The following POLR1A variants were observed in gnomAD, a reference collection of about 807,000 sequenced individuals.
POLR1A encodes DNA-directed RNA polymerase I subunit RPA1.
A neutral mutation model predicts 205.3 loss-of-function variants in POLR1A; 84 were observed. That is an observed-to-expected ratio of 0.41 (90% CI 0.34 to 0.49). POLR1A has a LOEUF of 0.49. Among genes scored for constraint, POLR1A ranks in the 20% least tolerant of loss-of-function variants. POLR1A has a pLI of 0.22. For synonymous variants in POLR1A, 799 were observed against 863.7 expected (o/e 0.93, Z 1.31); for missense variants, 1,645 against 2,204.5 (o/e 0.75, Z 5.08).
chr2:86,076,268 C>T (rs538943199), intron 11 of POLR1A, among the ~76,000 whole-genome samples: 12 of 152,306 alleles, frequency 7.9e-5, no homozygotes, highest in Admixed American at 2.6e-4. Flanking sequence ...GTACAGGTCC[C>T]GCGCAGCAAC....
In POLR1A at chr2:86,047,255, C is replaced by T; in HGVS notation, c.2643G>A (p.Met881Ile). ...HYSNEINKAC[M>I]PFGLHRQFPE... ...GGAACTGTCTGTGTAGGCCAAAAGG[C>T]ATGCATGCCTGCAGATTAAATCAGC... is the stretch of plus-strand genomic sequence containing the variant. Residue 881 changes from methionine to isoleucine, a missense_variant, in exon 19 of 34, where the codon ATG becomes ATA. Physicochemically the swap from Met to Ile is conservative, Grantham distance 10 (BLOSUM62 1). Transcript: ENST00000263857. The T allele has an allele frequency of 6.2e-7, 1 of 1,611,556 alleles. No individual in the cohort carries two copies. The highest frequency in any genetic ancestry group is 8.5e-7 in the Non-Finnish European group (1 of 1,177,730).
At chr2:86,064,885 C>T (rs1388333700) in intron 14 of POLR1A, among the ~76,000 whole-genome samples, 1 of 151,956 alleles carries the variant, frequency 6.6e-6, no homozygotes, top group African/African-American at 2.4e-5. Flanking sequence ...TGAGGCGATT[C>T]TCTTGCCTCA....
chr2:86,028,513 C>A lies in POLR1A; in HGVS notation c.4897+81G>T. On this transcript the variant is annotated intron_variant, in intron 32 of 33. Coordinates refer to ENST00000263857, the MANE Select transcript of POLR1A (RefSeq NM_015425.6). The surrounding 1 kb of genome is among the most constrained non-coding windows in gnomAD (Gnocchi z 4.5). Reference sequence around the variant, plus strand: ...GGACTGACTCGGTGCTGGACCGACACGGTCCTGACCCTCCTGCCGAGCCTT... The same window carrying A: ...GGACTGACTCGGTGCTGGACCGACAAGGTCCTGACCCTCCTGCCGAGCCTT... 1.0e-6 allele frequency: 1 copy of A among 982,448 alleles called. No individual in the cohort carries two copies. Among genetic ancestry groups the A allele is most frequent in the South Asian group, 1.3e-5 (1 of 77,272 alleles). The allele number at this position is 982,448 out of a possible 1,614,324, so 60.9% of individuals were successfully genotyped here. A position where few individuals can be genotyped will look rare whatever the true frequency, so the allele number is the denominator to read the frequency against.
At chr2:86,054,326 A>G (rs1235803465) in intron 14 of POLR1A, 37 bp from the exon 15 acceptor site, 3 of 1,606,372 alleles carry the variant, frequency 1.9e-6, no homozygotes, top group African/African-American at 2.7e-5. Context: ...TGGCAAAAAG[A>G]AAAGTGATGG....
intron 6 of POLR1A, 111 bp downstream of exon 6, chr2:86,088,455 C>A: frequency 1.4e-6 from 1 of 716,088 alleles, no homozygotes; most frequent in Non-Finnish European, 2.4e-6. Context: ...TCTGCTGGCC[C>A]CTCCCAAATG....
chr2:86,091,761 T>C (rs1307909579), intron 3 of POLR1A, among the ~76,000 whole-genome samples: 1 of 152,226 alleles, frequency 6.6e-6, no homozygotes, highest in Non-Finnish European at 1.5e-5. Flanking sequence ...TCAATCTGTC[T>C]TTCGGACAAA....
rs1457669329 is a variant in POLR1A, at chr2:86,077,805, GCGCGCGCA to G, written c.1380+46_1380+53del. On this transcript the variant is annotated intron_variant, in intron 11 of 33. Coordinates refer to ENST00000263857, the MANE Select transcript of POLR1A (RefSeq NM_015425.6). ...CGGGGAGCAAATGAGCCCTGCACGC[GCGCGCGCA>G]CACACACACACACACACACACACAC... 4 of 1,013,498 alleles carry G rather than the reference GCGCGCGCA, an allele frequency of 3.9e-6. No individual in the cohort carries two copies. In the African/African-American group the frequency reaches 1.1e-4, roughly 27 times the overall value. The allele number at this position is 1,013,498 out of a possible 1,614,324, so 62.8% of individuals were successfully genotyped here. A position where few individuals can be genotyped will look rare whatever the true frequency, so the allele number is the denominator to read the frequency against.
At chr2:86,105,584 C>T in intron 1 of POLR1A, 116 bp downstream of exon 1, 1 of 670,494 alleles carries the variant, frequency 1.5e-6, no homozygotes. Flanking sequence ...GCAGGACAAG[C>T]GCCAGACAAG....
chr2:86,041,149 C>CTGTGTG lies in POLR1A; in HGVS notation c.3573-596_3573-591dup, dbSNP rs756415592. On this transcript the variant is annotated intron_variant, in intron 24 of 33. Coordinates refer to ENST00000263857, the MANE Select transcript of POLR1A (RefSeq NM_015425.6). ...CAGCCACTAGGAGCGCTGAGCTACA[C>CTGTGTG]TGTGTGTGTGTGTGTGTGTGTGTGT... Among the ~76,000 whole-genome samples the CTGTGTG allele has an allele frequency of 3.4e-3, 422 of 122,326 alleles. 7 individuals are homozygous for CTGTGTG. Among genetic ancestry groups the CTGTGTG allele is most frequent in the East Asian group, 0.027 (112 of 4,126 alleles). 80.3% of individuals were successfully genotyped at this position (122,326 alleles called of 152,430 possible). A position where few individuals can be genotyped will look rare whatever the true frequency, so the allele number is the denominator to read the frequency against.
Position 86,049,241 on chromosome 2 carries a change from G to A in POLR1A, c.2394C>T (p.Gly798=), listed in dbSNP as rs766006515. The change falls in exon 17 of 34, where the codon GGC becomes GGT. Residue 798 remains glycine (G), a splice_region_variant and synonymous_variant. Transcript: ENST00000263857. ...TTGGCTTCACCAAAATGTCTTCCACGCCTGTGAAGTGAAACAGACAAGCTT... is the reference window on the plus strand; with the variant it reads ...TTGGCTTCACCAAAATGTCTTCCACACCTGTGAAGTGAAACAGACAAGCTT... ...YLQLYRGFTL[G]VEDILVKPKA... is the part of the protein sequence containing the mutation. 1.2e-5 allele frequency: 19 copies of A among 1,611,602 alleles called. No homozygotes were observed. The highest frequency in any genetic ancestry group is 2.2e-5 in the East Asian group (1 of 44,886).
At chr2:86,104,597 G>A (rs1429387177) in intron 1 of POLR1A, among the ~76,000 whole-genome samples, 3 of 151,864 alleles carry the variant, frequency 2.0e-5, no homozygotes, top group African/African-American at 7.3e-5. Context: ...ACAGGTGCCC[G>A]CCACCACGCC....
chr2:86,078,886 C>T (rs919248154), intron 9 of POLR1A, among the ~76,000 whole-genome samples: 6 of 152,164 alleles, frequency 3.9e-5, no homozygotes, highest in African/African-American at 1.4e-4. Context: ...ATTTTTGCCC[C>T]TAGCCCTGTC....
At position 86,033,667 on chromosome 2, in the gene POLR1A, C is replaced by T. The variant is rs749914207; in HGVS notation, c.4155G>A (p.Arg1385=). The part of the protein sequence containing the change: ...RDLDNAGELG[R]SRGEQEGDEE... Reference sequence around the variant, plus strand: ...CCCCCGGGGACTCACTCACCCGACTCCTCCCCAACTCCCCAGCGTTGTCCA... The same window carrying T: ...CCCCCGGGGACTCACTCACCCGACTTCTCCCCAACTCCCCAGCGTTGTCCA... The change falls in exon 28 of 34, where the codon AGG becomes AGA. Residue 1385 remains arginine, a synonymous_variant. Transcript: ENST00000263857. The T allele has an allele frequency of 1.2e-6, 2 of 1,613,390 alleles. No homozygotes were observed. The highest frequency in any genetic ancestry group is 1.7e-6 in the Non-Finnish European group (2 of 1,179,892).
At chr2:86,075,787 C>G (rs1022104540) in intron 11 of POLR1A, among the ~76,000 whole-genome samples, 2 of 152,228 alleles carry the variant, frequency 1.3e-5, no homozygotes, top group Non-Finnish European at 2.9e-5. Flanking sequence ...GGATTACAGG[C>G]GTGAGCCACC....
chr2:86,069,910 G>A (rs1673146028), intron 13 of POLR1A, 108 bp downstream of exon 13: 15 of 1,205,972 alleles, frequency 1.2e-5, no homozygotes, highest in South Asian at 1.2e-4. Context: ...CATTCCAGGC[G>A]CCCCTGTCCT....
chr2:86,098,598 A>G lies in POLR1A; in HGVS notation c.432+13T>C, dbSNP rs753696724. 3.1e-6 allele frequency: 5 copies of G among 1,611,876 alleles called. No individual in the cohort carries two copies. Among genetic ancestry groups the G allele is most frequent in the South Asian group, 2.2e-5 (2 of 90,664 alleles). On this transcript the variant is annotated intron_variant, in intron 3 of 33. Transcript: ENST00000263857. ...GCCTTTTCTGATTTCTGTGACCACC[A>G]CTACCCACCTACCCTGTTCAGAATT... is the stretch of plus-strand genomic sequence containing the variant.
In POLR1A at chr2:86,044,170, T is replaced by G; in HGVS notation, c.3104A>C (p.Lys1035Thr). ...GTTGCTGGCCAGGAAGGGGAACTGCTTGGGCTGCAGGAACTGTGTCTTGGG... is the reference window on the plus strand; with the variant it reads ...GTTGCTGGCCAGGAAGGGGAACTGCGTGGGCTGCAGGAACTGTGTCTTGGG... ...DIPKTQFLQP[K>T]QFPFLASNYE... Residue 1035 changes from lysine to threonine, a missense_variant, in exon 22 of 34, where the codon AAG becomes ACG. Lys to Thr is a moderately conservative substitution (Grantham distance 78). Transcript: ENST00000263857. The G allele has an allele frequency of 6.2e-7, 1 of 1,614,196 alleles. No homozygotes were observed. The highest frequency in any genetic ancestry group is 8.5e-7 in the Non-Finnish European group (1 of 1,180,034).
intron 1 of POLR1A, among the ~76,000 whole-genome samples, chr2:86,104,224 C>T (rs12714168): frequency 0.66 from 99,566 of 151,872 alleles, 38,407 homozygotes; most frequent in Non-Finnish European, 0.84. Flanking sequence ...AAAGACAATT[C>T]AAATATGAGA....
In POLR1A at chr2:86,047,729, G is replaced by A. The variant is rs546093062; in HGVS notation, c.2635-466C>T. 2.6e-5 allele frequency among the ~76,000 whole-genome samples: 4 copies of A among 152,326 alleles called. No individual in the cohort carries two copies. The East Asian group carries it at 5.8e-4, about 22-fold the overall frequency. ...GAACATGCCACCCAAGCCCCATGTAGGAAGCTCTGTCTTGGCTCAAGAGCC... is the reference window on the plus strand; with the variant it reads ...GAACATGCCACCCAAGCCCCATGTAAGAAGCTCTGTCTTGGCTCAAGAGCC... On this transcript the variant is annotated intron_variant, in intron 18 of 33. Coordinates refer to ENST00000263857, the MANE Select transcript of POLR1A (RefSeq NM_015425.6).
Sources: allele counts gnomAD v4.1 joint callset (sites outside exome capture counted in the v4.1 genomes callset), GRCh38; gene constraint gnomAD v4.1.1; non-coding constraint Gnocchi (gnomAD v3.1); transcripts MANE v1.5; gene names NCBI Gene and HGNC (gene_info 2026-07-23, HGNC 2026-07-21).